DOK6: variants seen among roughly 807,000 people sequenced by gnomAD.
DOK6 encodes downstream of tyrosine kinase 6.
In DOK6, 22 loss-of-function variants were observed where a neutral mutation model predicts 44.0. The ratio of observed to expected loss-of-function variants is 0.50; its 90% CI spans 0.36 to 0.71. The LOEUF is 0.71. Ranked by LOEUF, DOK6 falls within the 30% of genes least tolerant of loss-of-function variation. The probability of loss-of-function intolerance (pLI) is 0.00; values close to 1 mark genes in which losing one functional copy is unlikely to be tolerated. For synonymous variants in DOK6, 166 were observed against 145.5 expected (o/e 1.14, Z -1.01); for missense variants, 340 against 416.4 (o/e 0.82, Z 1.60).
At chr18:69,659,302 TACGTGTG>T (rs1985448858) in intron 3 of DOK6, among the ~76,000 whole-genome samples, 1 of 152,246 alleles carries the variant, frequency 6.6e-6, no homozygotes, top group Non-Finnish European at 1.5e-5. Context: ...TGTGCACGTC[TACGTGTG>T]CCTCCAAATG....
intron 1 of DOK6, among the ~76,000 whole-genome samples, chr18:69,481,912 A>G (rs1980435459): frequency 6.6e-6 from 1 of 152,084 alleles, no homozygotes; most frequent in South Asian, 2.1e-4. Flanking sequence ...AATGATCACC[A>G]TTCTAACTGG....
chr18:69,819,673 C>G (rs1981509301), intron 7 of DOK6, among the ~76,000 whole-genome samples: 1 of 152,168 alleles, frequency 6.6e-6, no homozygotes, highest in Non-Finnish European at 1.5e-5. Flanking sequence ...CTTCCCACTT[C>G]CTCCTGCCCG....
At chr18:69,775,765 A>G (rs1850892041) in intron 7 of DOK6, among the ~76,000 whole-genome samples, 1 of 151,900 alleles carries the variant, frequency 6.6e-6, no homozygotes, top group Non-Finnish European at 1.5e-5. Flanking sequence ...ATTGAGTTTT[A>G]AAAGCCCAAC....
At chr18:69,778,910 C>T (rs1980165031) in intron 7 of DOK6, among the ~76,000 whole-genome samples, 1 of 152,026 alleles carries the variant, frequency 6.6e-6, no homozygotes, top group African/African-American at 2.4e-5. Context: ...ACTCCAGCCC[C>T]CTAATGAGTG....
chr18:69,579,286 C>T (rs2144608576), intron 2 of DOK6, among the ~76,000 whole-genome samples: 1 of 152,266 alleles, frequency 6.6e-6, no homozygotes, highest in South Asian at 2.1e-4. Flanking sequence ...TAAATTTTTG[C>T]TTTTAAATGC....
chr18:69,438,100 G>A (rs1382182647), intron 1 of DOK6, among the ~76,000 whole-genome samples: 3 of 152,040 alleles, frequency 2.0e-5, no homozygotes, highest in Non-Finnish European at 4.4e-5. Flanking sequence ...AGTTGGGGTG[G>A]GTGTGGCAAC....
At chr18:69,425,737 T>TA (rs1191405958) in intron 1 of DOK6, among the ~76,000 whole-genome samples, 2 of 152,064 alleles carry the variant, frequency 1.3e-5, no homozygotes, top group African/African-American at 4.8e-5. Flanking sequence ...CATTAAAATT[T>TA]AAAAAATCAT....
intron 3 of DOK6, among the ~76,000 whole-genome samples, chr18:69,609,067 G>A (rs896309848): frequency 1.3e-5 from 2 of 151,938 alleles, no homozygotes; most frequent in African/African-American, 4.8e-5. Context: ...AAAACTTAGG[G>A]GAAAACTTTT....
intron 1 of DOK6, among the ~76,000 whole-genome samples, chr18:69,492,981 A>G (rs1980779251): frequency 1.3e-5 from 2 of 151,982 alleles, no homozygotes; most frequent in African/African-American, 4.8e-5. Flanking sequence ...CCTTATATTT[A>G]AGAATCTTAA....
At chr18:69,758,278 T>C (rs1035504509) in intron 7 of DOK6, among the ~76,000 whole-genome samples, 3 of 152,202 alleles carry the variant, frequency 2.0e-5, no homozygotes, top group African/African-American at 7.2e-5. Context: ...GCTTTAAGGC[T>C]CTGCCATAAA....
chr18:69,792,423 C>T (rs568960720), intron 7 of DOK6, among the ~76,000 whole-genome samples: 13 of 152,016 alleles, frequency 8.6e-5, no homozygotes, highest in Non-Finnish European at 1.5e-4. Context: ...TTTCTTGCAT[C>T]GGTGTTTTAC....
chr18:69,594,219 CAGAT>C (rs142528945), intron 2 of DOK6, among the ~76,000 whole-genome samples: 48,818 of 150,434 alleles, frequency 0.32, 8,358 homozygotes, highest in Middle Eastern at 0.51. Flanking sequence ...TGAATGTTTT[CAGAT>C]AGATGGATGG....
chr18:69,436,103 A>G (rs1178808598), intron 1 of DOK6, among the ~76,000 whole-genome samples: 3 of 151,706 alleles, frequency 2.0e-5, no homozygotes, highest in African/African-American at 2.4e-5. Context: ...ATTAAAATCT[A>G]TGTGATAAAT....
At chr18:69,457,303 C>T (rs369112635) in intron 1 of DOK6, among the ~76,000 whole-genome samples, 18 of 152,270 alleles carry the variant, frequency 1.2e-4, no homozygotes, top group African/African-American at 4.3e-4. Context: ...AAATCTCTAA[C>T]TTATCTTGAG....
rs190968125 is a variant in DOK6 at position 69,677,239 on chromosome 18, A to G, written c.290-495A>G. Among the ~76,000 whole-genome samples, 3 of 151,976 alleles carry G rather than the reference A, an allele frequency of 2.0e-5. No individual in the cohort carries two copies. The East Asian group carries it at 5.8e-4, about 29-fold the overall frequency. ...AATCTAACCTGACATTTTTTCAACT[A>G]TTACACTTATATATTTATTTTCTAT... On this transcript the variant is annotated intron_variant, in intron 3 of 7. Coordinates refer to ENST00000382713, the MANE Select transcript of DOK6 (RefSeq NM_152721.6).
chr18:69,784,807 G>T (rs1415857005), intron 7 of DOK6, among the ~76,000 whole-genome samples: 2 of 152,114 alleles, frequency 1.3e-5, no homozygotes, highest in Admixed American at 6.5e-5. Context: ...AGATTCATCA[G>T]ATTTTCCATT....
chr18:69,841,629 A>G lies in DOK6; in HGVS notation c.*246A>G. 1 of 468,866 alleles carries G rather than the reference A, an allele frequency of 2.1e-6. No homozygotes were observed. Among genetic ancestry groups the G allele is most frequent in the Non-Finnish European group, 3.6e-6 (1 of 274,674 alleles). The allele number at this position is 468,866 out of a possible 1,614,324, so 29.0% of individuals were successfully genotyped here. A position where few individuals can be genotyped will look rare whatever the true frequency, so the allele number is the denominator to read the frequency against. On this transcript the variant is annotated 3_prime_UTR_variant, in exon 8 of 8. Transcript: ENST00000382713. Reference sequence around the variant, plus strand: ...TAAATAGAATCCAAATCGTATGAACAGTTATTTAAATAAACAAAATTCTTT... The same window carrying G: ...TAAATAGAATCCAAATCGTATGAACGGTTATTTAAATAAACAAAATTCTTT...
At chr18:69,674,020 T>A (rs1294435721) in intron 3 of DOK6, among the ~76,000 whole-genome samples, 2 of 152,202 alleles carry the variant, frequency 1.3e-5, no homozygotes, top group Non-Finnish European at 2.9e-5. Flanking sequence ...GATTATTGCA[T>A]TTGTATTGAA....
At chr18:69,505,635 C>T (rs1351452767) in intron 1 of DOK6, among the ~76,000 whole-genome samples, 3 of 150,960 alleles carry the variant, frequency 2.0e-5, no homozygotes, top group African/African-American at 7.3e-5. Context: ...GTAGCTGGGA[C>T]TACAGGCGCC....
Sources: gnomAD v4.1 joint callset for allele counts (sites outside exome capture counted in the v4.1 genomes callset) on GRCh38, gnomAD v4.1.1 for gene constraint, MANE v1.5 for transcripts, NCBI Gene and HGNC (gene_info 2026-07-23, HGNC 2026-07-21) for gene names.